The following SPATA6L variants were observed in gnomAD, a reference collection of about 807,000 sequenced individuals.
SPATA6L encodes the protein spermatogenesis associated 6-like protein.
Under a neutral mutation model 49.2 loss-of-function variants are expected in SPATA6L, and 68 were observed. That is an observed-to-expected ratio of 1.38 (90% CI 1.14 to 1.69). The LOEUF is 1.69. Ranked by LOEUF, SPATA6L falls within the 40% of genes most tolerant of loss-of-function variation. The pLI is 0.00. For missense variants in SPATA6L, 668 were observed against 464.3 expected (o/e 1.44, Z -4.03); for synonymous variants, 198 against 165.7 (o/e 1.19, Z -1.50).
intron 13 of SPATA6L, among the ~76,000 whole-genome samples, chr9:4,592,542 C>G (rs536579574): frequency 6.6e-6 from 1 of 152,154 alleles, no homozygotes; most frequent in Non-Finnish European, 1.5e-5. Context: ...ACAAATAGAT[C>G]GCTCAGCCAT....
chr9:4,649,092 CACAT>C (rs931859266), intron 3 of SPATA6L, among the ~76,000 whole-genome samples: 14 of 137,924 alleles, frequency 1.0e-4, no homozygotes, highest in Non-Finnish European at 2.0e-4. Flanking sequence ...CACACACACA[CACAT>C]ATCACAGTTT....
chr9:4,592,106 G>A (rs1821939151), intron 13 of SPATA6L, among the ~76,000 whole-genome samples: 1 of 152,138 alleles, frequency 6.6e-6, no homozygotes, highest in South Asian at 2.1e-4. Context: ...TCTGAGGTCA[G>A]GAGTTCGAGA....
intron 9 of SPATA6L, among the ~76,000 whole-genome samples, chr9:4,609,463 C>G (rs1826125824): frequency 6.6e-6 from 1 of 152,222 alleles, no homozygotes; most frequent in South Asian, 2.1e-4. Flanking sequence ...AAGTGGGCTT[C>G]ATCCCTGGGA....
rs1273143785 is a variant in SPATA6L, at chr9:4,618,173, G to A, written c.808-63C>T. On this transcript the variant is annotated intron_variant, in intron 8 of 11. Coordinates refer to ENST00000682582, the MANE Select transcript of SPATA6L (RefSeq NM_001353486.2). ...TTCTGTTTGCTTAATTTAGAGCTGG[G>A]GGTGGGGGTTGGACAAGGAAGATAA... The A allele has an allele frequency of 3.4e-6, 5 of 1,452,520 alleles. No homozygotes were observed. In the African/African-American group the frequency reaches 5.6e-5, roughly 16 times the overall value. 90.0% of individuals were successfully genotyped at this position (1,452,520 alleles called of 1,614,324 possible).
At chr9:4,616,152 C>T (rs1015695825) in intron 9 of SPATA6L, among the ~76,000 whole-genome samples, 6 of 152,100 alleles carry the variant, frequency 3.9e-5, no homozygotes, top group East Asian at 1.9e-4. Flanking sequence ...CGGTGCGCAC[C>T]TGCAGTCCCA....
rs1470955118 is a variant in SPATA6L at position 4,600,367 on chromosome 9, G to T, written c.*444C>A. On this transcript the variant is annotated 3_prime_UTR_variant, in exon 12 of 12. Transcript: ENST00000682582. The stretch of plus-strand genomic sequence containing the variant: ...AAACAACAACAAAAACGGATCTACC[G>T]AAAAGAGAAAGTCAGGTTGATAGTC... Among the ~76,000 whole-genome samples the T allele has an allele frequency of 3.3e-5, 5 of 152,188 alleles. No individual in the cohort carries two copies. Among genetic ancestry groups the T allele is most frequent in the African/African-American group, 4.8e-5 (2 of 41,502 alleles).
chr9:4,648,989 T>C (rs1380913149), intron 3 of SPATA6L, among the ~76,000 whole-genome samples: 2 of 152,124 alleles, frequency 1.3e-5, no homozygotes, highest in Non-Finnish European at 2.9e-5. Flanking sequence ...ATCCAGGTCA[T>C]TGCTAATGCC....
At chr9:4,649,815 C>T (rs372336408) in intron 3 of SPATA6L, among the ~76,000 whole-genome samples, 1 of 152,160 alleles carries the variant, frequency 6.6e-6, no homozygotes, top group South Asian at 2.1e-4. Context: ...TTCATTACAC[C>T]TCCCAGGGTT....
rs187036891 is a variant in SPATA6L, at chr9:4,619,068, G to T, written c.773-170C>A. Among the ~76,000 whole-genome samples the T allele has an allele frequency of 5.6e-4, 85 of 152,016 alleles. 1 individual carries two copies. The East Asian group carries it at 0.015, about 26-fold the overall frequency. On this transcript the variant is annotated intron_variant, in intron 7 of 11. Coordinates refer to ENST00000682582, the MANE Select transcript of SPATA6L (RefSeq NM_001353486.2). Reference sequence around the variant, plus strand: ...ACTATCACTTTTAAGTCTCCCTTGAGCCACTTCAATTCTCCGGGTTGTGGG... The same window carrying T: ...ACTATCACTTTTAAGTCTCCCTTGATCCACTTCAATTCTCCGGGTTGTGGG...
At position 4,604,242 on chromosome 9, in the gene SPATA6L, T is replaced by C. The variant is rs766143207; in HGVS notation, c.1117A>G (p.Ile373Val). Residue 373 changes from isoleucine (I) to valine (V), a missense_variant, in exon 11 of 12, where the codon ATC (isoleucine) becomes GTC (valine). Transcript: ENST00000682582. The stretch of plus-strand genomic sequence containing the variant: ...AGAGGGTAGCTTGGTCTTTCAATGA[T>C]ATAATTTACTTCAGAGGTAGAATCT... ...KEDSTSEVNY[I>V]IERPSYPLKK... The C allele has an allele frequency of 6.2e-6, 10 of 1,611,136 alleles. No individual in the cohort carries two copies. The highest frequency in any genetic ancestry group is 1.7e-5 in the Admixed American group (1 of 59,872).
intron 9 of SPATA6L, among the ~76,000 whole-genome samples, chr9:4,607,188 G>A (rs1008473286): frequency 0.011 from 1,705 of 152,054 alleles, 29 homozygotes; most frequent in African/African-American, 0.036. Context: ...TGAAAGTGAC[G>A]GGGAGAATGG....
chr9:4,623,312 A>G (rs538258892), intron 6 of SPATA6L, among the ~76,000 whole-genome samples: 1 of 152,018 alleles, frequency 6.6e-6, no homozygotes, highest in East Asian at 1.9e-4. Flanking sequence ...AATAATAATA[A>G]TAGCAACTAT....
rs766938166 is a variant in SPATA6L, at chr9:4,629,147, ACT to A, written c.371_372del (p.Glu124ValfsTer15). The A allele has an allele frequency of 5.6e-6, 9 of 1,609,948 alleles. No individual in the cohort carries two copies. The highest frequency in any genetic ancestry group is 1.7e-4 in the Middle Eastern group (1 of 6,036). On this transcript the variant is annotated frameshift_variant, in exon 5 of 12. Transcript: ENST00000682582. LOFTEE classifies it high-confidence loss of function. ...LGFPGIAPKI[E>X]FSTRTAIREC... is the part of the protein sequence containing the mutation. ...TCTCTGATGGCTGTCCTTGTAGAAA[ACT>A]CTATTTTGGGAGCAATGCCCTATAA...
chr9:4,627,812 T>A (rs1241507388), intron 5 of SPATA6L: 1 of 1,289,294 alleles, frequency 7.8e-7, no homozygotes, highest in East Asian at 5.5e-5. Flanking sequence ...GGTGGCCCCA[T>A]GTTTACTGCA....
chr9:4,634,072 A>G lies in SPATA6L; in HGVS notation c.351+1203T>C, dbSNP rs1357585721. On this transcript the variant is annotated intron_variant, in intron 4 of 11. Coordinates refer to ENST00000682582, the MANE Select transcript of SPATA6L (RefSeq NM_001353486.2). ...TATGACCATAAAGTTAAAGAGAGAT[A>G]ACACTTAAGAAAATATAAGAAAGTT... Among the ~76,000 whole-genome samples, 8 of 152,346 alleles carry G rather than the reference A, an allele frequency of 5.3e-5. No individual in the cohort carries two copies. In the East Asian group the frequency reaches 1.5e-3, roughly 29 times the overall value.
At chr9:4,617,083 T>G (rs1191634958) in intron 9 of SPATA6L, among the ~76,000 whole-genome samples, 1 of 152,180 alleles carries the variant, frequency 6.6e-6, no homozygotes, top group Admixed American at 6.5e-5. Flanking sequence ...TTAGTCTACC[T>G]CAAAGTTAAT....
At chr9:4,603,870 T>C (rs557061664) in intron 11 of SPATA6L, among the ~76,000 whole-genome samples, 1 of 152,130 alleles carries the variant, frequency 6.6e-6, no homozygotes, top group South Asian at 2.1e-4. Context: ...GAAAACAACA[T>C]GTGCAGAGAC....
chr9:4,591,193 T>C (rs2129937874), intron 13 of SPATA6L, among the ~76,000 whole-genome samples: 1 of 152,330 alleles, frequency 6.6e-6, no homozygotes, highest in Non-Finnish European at 1.5e-5. Flanking sequence ...CCTTCCAGTG[T>C]ATGAGCATGC....
In SPATA6L at chr9:4,600,159, C is replaced by A. The variant is rs1450671829; in HGVS notation, c.*652G>T. Among the ~76,000 whole-genome samples the A allele has an allele frequency of 6.6e-6, 1 of 152,230 alleles. No individual in the cohort carries two copies. Among genetic ancestry groups the A allele is most frequent in the South Asian group, 2.1e-4 (1 of 4,820 alleles). On this transcript the variant is annotated 3_prime_UTR_variant, in exon 12 of 12. Transcript: ENST00000682582. ...CTAAATTTACAAAGAATTGCTGGAA[C>A]GAAGGAGTAGGAAACAGAAGGAGCA...
Sources: allele counts gnomAD v4.1 joint callset (sites outside exome capture counted in the v4.1 genomes callset), GRCh38; gene constraint gnomAD v4.1.1; transcripts MANE v1.5; gene names NCBI Gene and HGNC (gene_info 2026-07-23, HGNC 2026-07-21).